The following CAPZA2 variants were observed in gnomAD, a reference collection of about 807,000 sequenced individuals.
CAPZA2 encodes the protein F-actin-capping protein subunit alpha-2.
Under a neutral mutation model 44.0 loss-of-function variants are expected in CAPZA2, and 13 were observed. That is an observed-to-expected ratio of 0.30 (90% CI 0.19 to 0.47). CAPZA2 has a LOEUF of 0.47. Among genes scored for constraint, CAPZA2 ranks in the 20% least tolerant of loss-of-function variants. CAPZA2 has a pLI of 1.00. For missense variants in CAPZA2, 244 were observed against 338.6 expected (o/e 0.72, Z 2.19); for synonymous variants, 94 against 108.2 (o/e 0.87, Z 0.81).
At chr7:116,916,380 A>G (rs999485515) in intron 9 of CAPZA2, among the ~76,000 whole-genome samples, 1 of 152,222 alleles carries the variant, frequency 6.6e-6, no homozygotes. Context: ...TAATCCCAAC[A>G]CTGGGAAGCC....
At chr7:116,885,653 G>A (rs1369006044) in intron 1 of CAPZA2, among the ~76,000 whole-genome samples, 1 of 152,080 alleles carries the variant, frequency 6.6e-6, no homozygotes, top group African/African-American at 2.4e-5. Context: ...TAATTTGCTA[G>A]AGTGGCCCAC....
chr7:116,862,673 C>T (rs1455107491), intron 1 of CAPZA2, 23 bp downstream of exon 1: 1 of 1,534,620 alleles, frequency 6.5e-7, no homozygotes, highest in African/African-American at 1.4e-5. Flanking sequence ...GGGGCGACGG[C>T]GCGGGCTGTC....
chr7:116,907,707 C>A (rs1216025917), intron 6 of CAPZA2, among the ~76,000 whole-genome samples: 3 of 152,076 alleles, frequency 2.0e-5, no homozygotes, highest in African/African-American at 7.2e-5. Flanking sequence ...TCTCAAATTC[C>A]AGGGCTCAAG....
intron 1 of CAPZA2, among the ~76,000 whole-genome samples, chr7:116,876,683 T>C (rs1452497897): frequency 6.6e-6 from 1 of 152,238 alleles, no homozygotes; most frequent in Non-Finnish European, 1.5e-5. Flanking sequence ...GATCTTGTTT[T>C]AATTGCCTCC....
intron 1 of CAPZA2, among the ~76,000 whole-genome samples, chr7:116,884,450 A>T (rs115041336): frequency 0.017 from 2,524 of 151,988 alleles, 91 homozygotes; most frequent in African/African-American, 0.059. Context: ...GCAACCATTC[A>T]TCTTTTCGTC....
chr7:116,866,967 T>A (rs575222989), intron 1 of CAPZA2, among the ~76,000 whole-genome samples: 162 of 152,370 alleles, frequency 1.1e-3, no homozygotes, highest in Non-Finnish European at 1.8e-3. Flanking sequence ...TTTCTCTTTA[T>A]ATCTTTATTC....
At chr7:116,888,528 T>C (rs769730610) in intron 2 of CAPZA2, 1 of 176,534 alleles carries the variant, frequency 5.7e-6, no homozygotes, top group Non-Finnish European at 1.2e-5. Context: ...ATTTCTTCAA[T>C]AGAACTCTTA....
At chr7:116,898,350 T>A (rs531098779) in intron 3 of CAPZA2, among the ~76,000 whole-genome samples, 1 of 152,240 alleles carries the variant, frequency 6.6e-6, no homozygotes, top group African/African-American at 2.4e-5. Context: ...GTTATGTTTA[T>A]CCATTTTCTC....
chr7:116,913,234 C>T (rs1422812647), intron 8 of CAPZA2, among the ~76,000 whole-genome samples: 3 of 152,056 alleles, frequency 2.0e-5, no homozygotes, highest in Non-Finnish European at 4.4e-5. Flanking sequence ...GTTGTCTTTT[C>T]ACTTTCTTGA....
intron 7 of CAPZA2, among the ~76,000 whole-genome samples, chr7:116,911,656 T>G (rs904610703): frequency 6.6e-6 from 1 of 152,098 alleles, no homozygotes; most frequent in African/African-American, 2.4e-5. Context: ...GTAGCAGCAG[T>G]GTTTACAGCA....
At chr7:116,895,673 TA>T (rs879268529) in intron 3 of CAPZA2, among the ~76,000 whole-genome samples, 8,811 of 143,988 alleles carry the variant, frequency 0.061, 787 homozygotes, top group African/African-American at 0.2. Context: ...TGCTTACTAG[TA>T]AAAAAAAAAA....
At chr7:116,862,820 C>G (rs1038626697) in intron 1 of CAPZA2, among the ~76,000 whole-genome samples, 170 bp downstream of exon 1, 3 of 152,062 alleles carry the variant, frequency 2.0e-5, no homozygotes, top group Non-Finnish European at 2.9e-5. Flanking sequence ...TGTCCGTCAC[C>G]CGAGGCCCCG....
chr7:116,880,691 C>G (rs1796683575), intron 1 of CAPZA2, among the ~76,000 whole-genome samples: 1 of 79,312 alleles, frequency 1.3e-5, no homozygotes, highest in Non-Finnish European at 2.5e-5. Context: ...GCCACTGTAA[C>G]CTGCCTTTTT....
chr7:116,894,062 T>C lies in CAPZA2; in HGVS notation c.155+1017T>C, dbSNP rs538414213. 2.6e-5 allele frequency among the ~76,000 whole-genome samples: 4 copies of C among 152,208 alleles called. No homozygotes were observed. In the East Asian group the frequency reaches 7.7e-4, roughly 29 times the overall value. On this transcript the variant is annotated intron_variant, in intron 3 of 9. Coordinates refer to ENST00000361183, the MANE Select transcript of CAPZA2 (RefSeq NM_006136.3). ...CTTTTCATCCTAGTATAATACCCAATATGTAAAATCCTGACTGATGGCTGG... is the reference window on the plus strand; with the variant it reads ...CTTTTCATCCTAGTATAATACCCAACATGTAAAATCCTGACTGATGGCTGG...
At position 116,896,631 on chromosome 7, in the gene CAPZA2, A is replaced by T. The variant is rs1562961259; in HGVS notation, c.156-2141A>T. Among the ~76,000 whole-genome samples the T allele has an allele frequency of 5.3e-5, 8 of 152,264 alleles. No homozygotes were observed. In the South Asian group the frequency reaches 1.2e-3, roughly 24 times the overall value. On this transcript the variant is annotated intron_variant, in intron 3 of 9. Coordinates refer to ENST00000361183, the MANE Select transcript of CAPZA2 (RefSeq NM_006136.3). ...GGAGAAAAGTATAAGATACAACTTGATGGAAAGGGTATAAAAATCTAAATA... is the reference window on the plus strand; with the variant it reads ...GGAGAAAAGTATAAGATACAACTTGTTGGAAAGGGTATAAAAATCTAAATA...
intron 1 of CAPZA2, among the ~76,000 whole-genome samples, chr7:116,871,253 C>T (rs1256409812): frequency 6.6e-6 from 1 of 152,136 alleles, no homozygotes; most frequent in Non-Finnish European, 1.5e-5. Context: ...TGATAGCTAG[C>T]ACAGAGTAGG....
chr7:116,869,133 C>G (rs1311878272), intron 1 of CAPZA2, among the ~76,000 whole-genome samples: 3 of 152,162 alleles, frequency 2.0e-5, no homozygotes, highest in African/African-American at 7.2e-5. Context: ...AAAGCCTAAT[C>G]AGTCACCTGA....
chr7:116,915,418 T>G (rs1403883180), intron 8 of CAPZA2: 1 of 152,206 alleles, frequency 6.6e-6, no homozygotes, highest in East Asian at 1.9e-4. Context: ...TTGTGCTCGT[T>G]TTTTTAGGAA....
chr7:116,921,892 A>G lies in CAPZA2; in HGVS notation c.*4025A>G, dbSNP rs999443332. 2 of 152,208 alleles carry G rather than the reference A, an allele frequency of 1.3e-5. No individual in the cohort carries two copies. The highest frequency in any genetic ancestry group is 4.8e-5 in the African/African-American group (2 of 41,456). The allele number at this position is 152,208 out of a possible 1,614,324, so 9.4% of individuals were successfully genotyped here. On this transcript the variant is annotated 3_prime_UTR_variant, in exon 10 of 10. Transcript: ENST00000361183. ...AATCAAGAATTCTGATAGAAGTAAGAGTTCTGGCATGAGTGGTGCTTTTCC... is the reference window on the plus strand; with the variant it reads ...AATCAAGAATTCTGATAGAAGTAAGGGTTCTGGCATGAGTGGTGCTTTTCC...
Sources: gnomAD v4.1 joint callset for allele counts (sites outside exome capture counted in the v4.1 genomes callset) on GRCh38, gnomAD v4.1.1 for gene constraint, MANE v1.5 for transcripts, NCBI Gene and HGNC (gene_info 2026-07-23, HGNC 2026-07-21) for gene names.